Variants in CADM1 observed in about 807,000 individuals in gnomAD.
The protein encoded by CADM1 is TSLC-1.
A neutral mutation model predicts 53.1 loss-of-function variants in CADM1; 15 were observed. The ratio of observed to expected loss-of-function variants is 0.28; its 90% CI spans 0.19 to 0.44. CADM1 has a LOEUF of 0.44. Among genes scored for constraint, CADM1 ranks in the 20% least tolerant of loss-of-function variants. CADM1 has a pLI of 1.00. For missense variants in CADM1, 434 were observed against 611.3 expected (o/e 0.71, Z 3.06); for synonymous variants, 281 against 243.0 (o/e 1.16, Z -1.45).
At chr11:115,284,114 CTGTGTG>C (rs751286330) in intron 1 of CADM1, among the ~76,000 whole-genome samples, 63 of 98,676 alleles carry the variant, frequency 6.4e-4, no homozygotes, top group African/African-American at 1.4e-3. Flanking sequence ...CTCTCTCTCT[CTGTGTG>C]TGTGTGTGTG....
chr11:115,258,188 G>A (rs1462474087), intron 1 of CADM1, among the ~76,000 whole-genome samples: 2 of 151,924 alleles, frequency 1.3e-5, no homozygotes, highest in African/African-American at 2.4e-5. Flanking sequence ...CCATGTAAAC[G>A]ACCCCCTGAC....
intron 1 of CADM1, among the ~76,000 whole-genome samples, chr11:115,456,633 T>C (rs1010431439): frequency 6.6e-6 from 1 of 152,060 alleles, no homozygotes; most frequent in South Asian, 2.1e-4. Context: ...GGATAGGAAA[T>C]GCAAAAAACC....
At chr11:115,188,901 GTTT>G (rs68070649) in intron 10 of CADM1, among the ~76,000 whole-genome samples, 3 of 147,228 alleles carry the variant, frequency 2.0e-5, no homozygotes, top group Non-Finnish European at 3.0e-5. Flanking sequence ...TTTATTGGTT[GTTT>G]TTTTTTTCCC....
intron 1 of CADM1, among the ~76,000 whole-genome samples, chr11:115,415,047 T>C (rs1427163097): frequency 6.6e-6 from 1 of 152,200 alleles, no homozygotes; most frequent in Non-Finnish European, 1.5e-5. Context: ...ATATATCTTC[T>C]AGCAGAGTGG....
Position 115,307,521 on chromosome 11 carries a change from T to A in CADM1, c.125-67101A>T, listed in dbSNP as rs796106424. 1.6e-3 allele frequency among the ~76,000 whole-genome samples: 231 copies of A among 140,514 alleles called. 1 individual carries two copies. The highest frequency in any genetic ancestry group is 3.6e-3 in the African/African-American group (132 of 36,906). The allele number at this position is 140,514 out of a possible 152,430, so 92.2% of individuals were successfully genotyped here. ...TATTTAAGCCAGGAAAAAAAAAATA[T>A]ATATATATATATATGCTGAGACCCA... On this transcript the variant is annotated intron_variant, in intron 1 of 11. Coordinates refer to ENST00000331581, the MANE Select transcript of CADM1 (RefSeq NM_001301043.2).
chr11:115,189,240 C>T (rs1939725085), intron 10 of CADM1, among the ~76,000 whole-genome samples: 1 of 152,136 alleles, frequency 6.6e-6, no homozygotes, highest in Non-Finnish European at 1.5e-5. Context: ...AGGGACCCAT[C>T]TGACATGGCG....
At chr11:115,465,042 G>A (rs1948869591) in intron 1 of CADM1, among the ~76,000 whole-genome samples, 1 of 152,062 alleles carries the variant, frequency 6.6e-6, no homozygotes, top group South Asian at 2.1e-4. Flanking sequence ...CACTTATCTG[G>A]GCATCTAGGC....
At position 115,323,537 on chromosome 11, in the gene CADM1, A is replaced by G. The variant is rs531690543; in HGVS notation, c.125-83117T>C. Among the ~76,000 whole-genome samples the G allele has an allele frequency of 2.6e-3, 402 of 152,282 alleles. 6 individuals carry two copies. The highest frequency in any genetic ancestry group is 2.4e-3 in the Non-Finnish European group (164 of 68,012). On this transcript the variant is annotated intron_variant, in intron 1 of 11. Coordinates refer to ENST00000331581, the MANE Select transcript of CADM1 (RefSeq NM_001301043.2). ...CCATTTCCCAAATCTACTAAAAGTCAACTAGTAAGAATTTCTGGAGCTAAA... is the reference window on the plus strand; with the variant it reads ...CCATTTCCCAAATCTACTAAAAGTCGACTAGTAAGAATTTCTGGAGCTAAA...
At chr11:115,321,264 G>A (rs921109417) in intron 1 of CADM1, among the ~76,000 whole-genome samples, 1 of 152,162 alleles carries the variant, frequency 6.6e-6, no homozygotes, top group Non-Finnish European at 1.5e-5. Context: ...TGCAAGATTG[G>A]TAAGAAGTAC....
chr11:115,498,450 C>T (rs779973192), intron 1 of CADM1, among the ~76,000 whole-genome samples: 23 of 152,274 alleles, frequency 1.5e-4, no homozygotes, highest in Non-Finnish European at 3.1e-4. Flanking sequence ...CTCACATGGA[C>T]GGTAATCATT....
At chr11:115,503,487 C>T (rs947922082) in intron 1 of CADM1, among the ~76,000 whole-genome samples, 1 of 152,096 alleles carries the variant, frequency 6.6e-6, no homozygotes, top group Non-Finnish European at 1.5e-5. Context: ...TGTCCCCACT[C>T]GTGGCAGAGG....
rs2135142333 is a variant in CADM1 at position 115,377,001 on chromosome 11, G to T, written c.124+127270C>A. Among the ~76,000 whole-genome samples the T allele has an allele frequency of 1.3e-5, 2 of 152,220 alleles. 1 individual carries two copies. The highest frequency in any genetic ancestry group is 6.8e-3 in the Middle Eastern group (2 of 294). On this transcript the variant is annotated intron_variant, in intron 1 of 11. Transcript: ENST00000331581. ...GTTCTGTCACTTTAATGTCTAGCCG[G>T]CTTTAAATTACAAATGTCATGCGCC... is the stretch of plus-strand genomic sequence containing the variant.
chr11:115,193,581 G>A (rs1361893442), intron 9 of CADM1, among the ~76,000 whole-genome samples: 3 of 152,102 alleles, frequency 2.0e-5, no homozygotes, highest in Non-Finnish European at 4.4e-5. Flanking sequence ...GTGATACAAT[G>A]TGGCCATTTA....
At chr11:115,341,008 T>C (rs1297571858) in intron 1 of CADM1, among the ~76,000 whole-genome samples, 1 of 151,702 alleles carries the variant, frequency 6.6e-6, no homozygotes, top group African/African-American at 2.4e-5. Flanking sequence ...TGTTATAAAG[T>C]CTCTAAAATG....
rs144508762 is a variant in CADM1, at chr11:115,230,112, G to A, written c.563-841C>T. On this transcript the variant is annotated intron_variant, in intron 4 of 11. Transcript: ENST00000331581. ...GAATTCACTTAGACAGAAAAGCAGA[G>A]AGGAAATGAGAAACTCCTTCCTTCC... Among the ~76,000 whole-genome samples the A allele has an allele frequency of 2.0e-5, 3 of 152,300 alleles. No individual in the cohort carries two copies. The East Asian group carries it at 5.8e-4, about 29-fold the overall frequency.
At chr11:115,374,748 A>C (rs1177945048) in intron 1 of CADM1, among the ~76,000 whole-genome samples, 1 of 152,210 alleles carries the variant, frequency 6.6e-6, no homozygotes, top group Non-Finnish European at 1.5e-5. Flanking sequence ...AACATCAGGA[A>C]GACATAATAA....
intron 10 of CADM1, among the ~76,000 whole-genome samples, chr11:115,186,186 T>C (rs1939538528): frequency 6.6e-6 from 1 of 152,150 alleles, no homozygotes; most frequent in South Asian, 2.1e-4. Context: ...TAAAAGGGAA[T>C]TGATGTGGTT....
intron 1 of CADM1, among the ~76,000 whole-genome samples, chr11:115,437,806 T>A (rs1365187234): frequency 6.6e-6 from 1 of 152,208 alleles, no homozygotes; most frequent in Non-Finnish European, 1.5e-5. Flanking sequence ...AACAGGAAGT[T>A]ATGGTGTAGA....
At chr11:115,230,086 T>C (rs1941761787) in intron 4 of CADM1, among the ~76,000 whole-genome samples, 1 of 152,212 alleles carries the variant, frequency 6.6e-6, no homozygotes, top group Non-Finnish European at 1.5e-5. Flanking sequence ...ATTTAATGGC[T>C]GAATTCACTT....
Sources: allele counts gnomAD v4.1 joint callset (sites outside exome capture counted in the v4.1 genomes callset), GRCh38; gene constraint gnomAD v4.1.1; transcripts MANE v1.5; gene names NCBI Gene and HGNC (gene_info 2026-07-23, HGNC 2026-07-21).